PMFBP1: variants seen among roughly 807,000 people sequenced by gnomAD.
The protein encoded by PMFBP1 is polyamine modulated factor 1 binding protein 1, also known as polyamine-modulated factor 1-binding protein 1.
PMFBP1 carries 131 observed loss-of-function variants against 137.8 expected under a neutral mutation model. The ratio of observed to expected loss-of-function variants is 0.95; its 90% CI spans 0.82 to 1.10. PMFBP1 has a LOEUF of 1.10. Among genes scored for constraint, PMFBP1 ranks in the 50% least tolerant of loss-of-function variants. The pLI is 0.00. For synonymous variants in PMFBP1, 490 were observed against 450.4 expected, an observed-to-expected ratio of 1.09 and a Z score of -1.11; for missense variants, 1,199 against 1,175.4, an observed-to-expected ratio of 1.02 and a Z score of -0.29.
At chr16:72,197,556 CA>C in the PMFBP1 span, among the ~76,000 whole-genome samples, 2 of 152,134 alleles carry the variant, frequency 1.3e-5, no homozygotes, top group African/African-American at 4.8e-5. Context: ...CTGTCATGGA[CA>C]AGGTTATGGC....
At chr16:72,165,447 C>T (rs1251514753) in intron 2 of PMFBP1, among the ~76,000 whole-genome samples, 1 of 149,440 alleles carries the variant, frequency 6.7e-6, no homozygotes, top group Non-Finnish European at 1.5e-5. Flanking sequence ...CGGAGACTTG[C>T]TCTATTGCCC....
At chr16:72,170,666 A>G (rs1395545968) in intron 2 of PMFBP1, among the ~76,000 whole-genome samples, 4 of 152,118 alleles carry the variant, frequency 2.6e-5, no homozygotes, top group Non-Finnish European at 5.9e-5. Flanking sequence ...TCTTGGGCTC[A>G]AGTGATCCTC....
At chr16:72,127,459 A>G (rs2042478945) in intron 14 of PMFBP1, among the ~76,000 whole-genome samples, 1 of 152,242 alleles carries the variant, frequency 6.6e-6, no homozygotes, top group African/African-American at 2.4e-5. Context: ...TTCACTGTCA[A>G]TGCTTGATAA....
At chr16:72,136,626 G>T (rs1012718678) in intron 8 of PMFBP1, 21 bp from the exon 9 acceptor site, 2 of 1,614,002 alleles carry the variant, frequency 1.2e-6, no homozygotes, top group Admixed American at 3.3e-5. Context: ...GCGGGACAGA[G>T]TCTATGCTCA....
chr16:72,135,955 A>C (rs557963889), intron 9 of PMFBP1, among the ~76,000 whole-genome samples: 1 of 151,214 alleles, frequency 6.6e-6, no homozygotes, highest in Non-Finnish European at 1.5e-5. Context: ...GGGTTTCATC[A>C]TGTTACCCAG....
the PMFBP1 span, among the ~76,000 whole-genome samples, chr16:72,244,623 A>T: frequency 2.6e-5 from 4 of 152,310 alleles, no homozygotes; most frequent in African/African-American, 9.6e-5. Flanking sequence ...ACATCTAAAG[A>T]TTTCTTTTCC....
chr16:72,189,152 A>G, the PMFBP1 span, among the ~76,000 whole-genome samples: 1 of 152,148 alleles, frequency 6.6e-6, no homozygotes, highest in Admixed American at 6.5e-5. Flanking sequence ...AATTCTCCCA[A>G]CAACCTCCAG....
chr16:72,239,702 G>C, the PMFBP1 span, among the ~76,000 whole-genome samples: 1 of 151,770 alleles, frequency 6.6e-6, no homozygotes, highest in African/African-American at 2.4e-5. Flanking sequence ...GACCATCCTG[G>C]CCAACATGGT....
the PMFBP1 span, among the ~76,000 whole-genome samples, chr16:72,194,740 C>T: frequency 0.017 from 2,579 of 152,218 alleles, 32 homozygotes; most frequent in Non-Finnish European, 0.024. Flanking sequence ...CCAAATCCAT[C>T]CTTGACAAAG....
At chr16:72,170,492 T>C (rs955696522) in intron 2 of PMFBP1, among the ~76,000 whole-genome samples, 2 of 152,150 alleles carry the variant, frequency 1.3e-5, no homozygotes, top group Non-Finnish European at 2.9e-5. Context: ...TGCACTGGTG[T>C]GATCATGGCT....
intron 14 of PMFBP1, chr16:72,128,392 A>G (rs1223936166): frequency 7.1e-7 from 1 of 1,407,278 alleles, no homozygotes; most frequent in Non-Finnish European, 9.3e-7. Context: ...TCTAAAATGT[A>G]ACATTGGAAG....
intron 20 of PMFBP1, 160 bp from the exon 21 acceptor site, chr16:72,119,514 C>T (rs754605038): frequency 6.0e-6 from 9 of 1,510,936 alleles, no homozygotes; most frequent in Non-Finnish European, 7.9e-6. Flanking sequence ...CGGCTGTGGA[C>T]CCAGGCTGGG....
chr16:72,139,428 G>T, intron 6 of PMFBP1, 29 bp from the exon 7 acceptor site: 1 of 1,506,398 alleles, frequency 6.6e-7, no homozygotes, highest in East Asian at 2.3e-5. Context: ...CAGTTATGCT[G>T]GATGATCAAT....
chr16:72,195,928 T>C, the PMFBP1 span, among the ~76,000 whole-genome samples: 1 of 152,090 alleles, frequency 6.6e-6, no homozygotes, highest in East Asian at 1.9e-4. Flanking sequence ...TTCTGGACTC[T>C]AGTAAAGACT....
the PMFBP1 span, among the ~76,000 whole-genome samples, chr16:72,242,925 G>A: frequency 0.089 from 13,527 of 152,204 alleles, 1,694 homozygotes; most frequent in African/African-American, 0.28. Context: ...CGACGAAGGC[G>A]TTCATATTGA....
At chr16:72,138,020 G>T (rs936022934) in intron 7 of PMFBP1, among the ~76,000 whole-genome samples, 1 of 152,108 alleles carries the variant, frequency 6.6e-6, no homozygotes, top group Admixed American at 6.6e-5. Context: ...TGGAGCCCCA[G>T]GGAGCGTGAG....
At chr16:72,136,117 T>C (rs1360794434) in intron 9 of PMFBP1, among the ~76,000 whole-genome samples, 2 of 152,142 alleles carry the variant, frequency 1.3e-5, no homozygotes, top group Non-Finnish European at 2.9e-5. Context: ...CCTGTTATTT[T>C]ATATCATTTC....
intron 19 of PMFBP1, among the ~76,000 whole-genome samples, chr16:72,122,491 G>A (rs1398307261): frequency 6.6e-6 from 1 of 152,124 alleles, no homozygotes; most frequent in Non-Finnish European, 1.5e-5. Flanking sequence ...ATGAGCAGGT[G>A]GAACAGAAGG....
chr16:72,185,472 C>G, the PMFBP1 span, among the ~76,000 whole-genome samples: 159 of 152,166 alleles, frequency 1.0e-3, no homozygotes, highest in Middle Eastern at 3.4e-3. Flanking sequence ...CATTTCTCTC[C>G]TCCCATCATC....
Sources: allele counts gnomAD v4.1 joint callset (sites outside exome capture counted in the v4.1 genomes callset), GRCh38; gene constraint gnomAD v4.1.1; transcripts MANE v1.5; gene names NCBI Gene and HGNC (gene_info 2026-07-23, HGNC 2026-07-21).